Variants in TET3 observed in about 807,000 individuals in gnomAD.
TET3 encodes methylcytosine dioxygenase TET3.
A neutral mutation model predicts 141.4 loss-of-function variants in TET3; 19 were observed. The observed-to-expected ratio is 0.13, with a 90% CI of 0.09 to 0.20. The LOEUF is 0.20. TET3 is among the 10% of genes least tolerant of loss of function. TET3 has a pLI of 1.00. For synonymous variants in TET3, 1,043 were observed against 980.9 expected (o/e 1.06, Z -1.18); for missense variants, 1,874 against 2,356.9 (o/e 0.80, Z 4.24).
intron 3 of TET3, among the ~76,000 whole-genome samples, chr2:74,018,156 G>A (rs1685835421): frequency 1.3e-5 from 2 of 151,772 alleles, no homozygotes; most frequent in Non-Finnish European, 1.5e-5. Flanking sequence ...TAGTAGAGAC[G>A]GGGCTTCTCC....
the TET3 span, among the ~76,000 whole-genome samples, chr2:74,124,710 T>C: frequency 3.3e-5 from 5 of 151,944 alleles, no homozygotes; most frequent in East Asian, 1.9e-4. Flanking sequence ...CTTTGTTAAA[T>C]AGATGCTTGA....
chr2:74,078,612 A>G (rs1442403448), intron 5 of TET3, among the ~76,000 whole-genome samples: 1 of 152,190 alleles, frequency 6.6e-6, no homozygotes, highest in African/African-American at 2.4e-5. Context: ...TGAGACAGTG[A>G]ATTATCTTGT....
intron 3 of TET3, among the ~76,000 whole-genome samples, chr2:74,023,185 G>T (rs539472150): frequency 6.6e-6 from 1 of 152,268 alleles, no homozygotes; most frequent in South Asian, 2.1e-4. Flanking sequence ...ACCATCAGAG[G>T]TACCTCATCA....
Position 74,107,911 on chromosome 2 carries a change from T to TCAAAAAG in TET3, c.*5735_*5736insCAAAAAG, listed in dbSNP as rs1388402575. 1.3e-5 allele frequency: 2 copies of TCAAAAAG among 152,726 alleles called. No individual in the cohort carries two copies. The highest frequency in any genetic ancestry group is 4.8e-5 in the African/African-American group (2 of 41,466). The allele number at this position is 152,726 out of a possible 1,614,324, so 9.5% of individuals were successfully genotyped here. On this transcript the variant is annotated 3_prime_UTR_variant, in exon 12 of 12. Coordinates refer to ENST00000409262, the MANE Select transcript of TET3 (RefSeq NM_001287491.2). ...TAAATTTATGCTGATAATTTTATTT[T>TCAAAAAG]GTATAATTTTTACCTTTTTGTTAAT... is the stretch of plus-strand genomic sequence containing the variant.
chr2:74,095,559 G>A (rs1690775178), intron 10 of TET3, among the ~76,000 whole-genome samples: 1 of 152,224 alleles, frequency 6.6e-6, no homozygotes. Flanking sequence ...GCAGTTTGAT[G>A]ACCATCCATT....
At position 74,047,193 on chromosome 2, in the gene TET3, C is replaced by T; in HGVS notation, c.1276C>T (p.Pro426Ser). 6.2e-7 allele frequency: 1 copy of T among 1,614,034 alleles called. No homozygotes were observed. Among genetic ancestry groups the T allele is most frequent in the Non-Finnish European group, 8.5e-7 (1 of 1,179,896 alleles). The part of the protein sequence containing the change: ...SFAPDSSAFP[P>S]ATPRTEFPEA... ...TGCTCCTGATAGCTCTGCCTTCCCT[C>T]CAGCAACTCCTAGAACTGAGTTCCC... Residue 426 changes from proline to serine, a missense_variant, in exon 4 of 12, where the codon CCA becomes TCA. By Grantham distance (74) the Pro-to-Ser change is moderately conservative. Transcript: ENST00000409262.
At chr2:73,985,637 A>T (rs1372275285) in intron 1 of TET3, among the ~76,000 whole-genome samples, 1 of 146,256 alleles carries the variant, frequency 6.8e-6, no homozygotes, top group African/African-American at 2.8e-5. Context: ...TTGAAAGCTC[A>T]GCTCCCTAGG....
At chr2:74,007,670 T>G (rs903929028) in intron 3 of TET3, among the ~76,000 whole-genome samples, 1 of 152,202 alleles carries the variant, frequency 6.6e-6, no homozygotes, top group Non-Finnish European at 1.5e-5. Flanking sequence ...ACTCTACTCC[T>G]ACTCCTGGGT....
Position 74,100,451 on chromosome 2 carries a change from G to A in TET3, c.3663G>A (p.Glu1221=), listed in dbSNP as rs1425771355. The A allele has an allele frequency of 6.3e-7, 1 of 1,582,454 alleles. No individual in the cohort carries two copies. The highest frequency in any genetic ancestry group is 1.3e-5 in the African/African-American group (1 of 74,074). Residue 1221 remains glutamate, a synonymous_variant, in exon 12 of 12, where the codon GAG becomes GAA. Transcript: ENST00000409262. ...GCCTGAAGCCCTCCCTCAAGGTGGA[G>A]CCGCAGAACCACTTCAGCTCCTTCA... ...QQGLKPSLKV[E]PQNHFSSFKY...
rs756769001 is a variant in TET3, at chr2:74,048,386, C to G, written c.2469C>G (p.Ala823=). ...ACACACCTGCCAAGAGAGCCCAGGCCGAGTTCCCCACCTGCGATTGCGTCG... is the reference window on the plus strand; with the variant it reads ...ACACACCTGCCAAGAGAGCCCAGGCGGAGTTCCCCACCTGCGATTGCGTCG... The part of the protein sequence containing the change: ...LLDTPAKRAQ[A]EFPTCDCVEQ... Residue 823 remains alanine (A), a synonymous_variant, in exon 4 of 12, where the codon GCC becomes GCG. Transcript: ENST00000409262. 6.2e-7 allele frequency: 1 copy of G among 1,610,678 alleles called. No homozygotes were observed. Among genetic ancestry groups the G allele is most frequent in the Non-Finnish European group, 8.5e-7 (1 of 1,177,990 alleles).
At chr2:74,110,405 C>CTGTT (rs1401040928), downstream of TET3, among the ~76,000 whole-genome samples, 1 of 152,166 alleles carries the variant, frequency 6.6e-6, no homozygotes, top group Admixed American at 6.5e-5. Context: ...GCTTGGAGAG[C>CTGTT]TGTTAGTCAT....
rs185156921 is a variant in TET3 at position 74,093,167 on chromosome 2, A to G, written c.3129+176A>G. Among the ~76,000 whole-genome samples, 711 of 152,232 alleles carry G rather than the reference A, an allele frequency of 4.7e-3. 6 individuals carry two copies. Among genetic ancestry groups the G allele is most frequent in the Non-Finnish European group, 5.0e-3 (342 of 68,004 alleles). The stretch of plus-strand genomic sequence containing the variant: ...AAAAACCCCTTTTTTACACCAGGCT[A>G]CCTGCATCCCACACCGTCCCTCTTC... On this transcript the variant is annotated intron_variant, in intron 9 of 11. Transcript: ENST00000409262. The surrounding 1 kb of genome is among the most constrained non-coding windows in gnomAD (Gnocchi z 4.2).
chr2:74,093,699 G>A lies in TET3; in HGVS notation c.3267+33G>A. On this transcript the variant is annotated intron_variant, in intron 10 of 11. Coordinates refer to ENST00000409262, the MANE Select transcript of TET3 (RefSeq NM_001287491.2). This position sits in a 1 kb window ranked among gnomAD's most constrained non-coding sequence, Gnocchi z 4.2. ...TGTGCCCTGTCATAGCCCCACCTGT[G>A]GGGCAACTGTGGGAGGGAGTCCACC... is the stretch of plus-strand genomic sequence containing the variant. The A allele has an allele frequency of 6.5e-7, 1 of 1,535,646 alleles. No individual in the cohort carries two copies. Among genetic ancestry groups the A allele is most frequent in the Non-Finnish European group, 8.8e-7 (1 of 1,133,236 alleles).
Position 74,101,243 on chromosome 2 carries a change from C to T in TET3, c.4455C>T (p.Phe1485=), listed in dbSNP as rs376173211. 71 of 1,612,522 alleles carry T rather than the reference C, an allele frequency of 4.4e-5. No homozygotes were observed. The highest frequency in any genetic ancestry group is 5.8e-5 in the Non-Finnish European group (68 of 1,179,324). Residue 1485 remains phenylalanine (F), a synonymous_variant, in exon 12 of 12, where the codon TTC becomes TTT. Transcript: ENST00000409262. This position sits in a 1 kb window ranked among gnomAD's most constrained non-coding sequence, Gnocchi z 8.5. ...FGASCLAPSH[F]TDGQWGLFPG... ...CCAGCTGCCTGGCCCCTTCCCACTT[C>T]ACAGATGGCCAGTGGGGGCTGTTCC... is the stretch of plus-strand genomic sequence containing the variant.
chr2:74,047,664 C>T lies in TET3; in HGVS notation c.1747C>T (p.Pro583Ser). The change falls in exon 4 of 12, where the codon CCA becomes TCA. Residue 583 changes from proline (P) to serine (S), a missense_variant. By Grantham distance (74) the Pro-to-Ser change is moderately conservative. Coordinates refer to ENST00000409262, the MANE Select transcript of TET3 (RefSeq NM_001287491.2). Reference protein sequence around the residue: ...RPPKEKKKKLPTPAGGPVGTE... With the variant: ...RPPKEKKKKLSTPAGGPVGTE... ...ACCCAAGGAGAAGAAGAAGAAGCTC[C>T]CAACACCAGCTGGAGGTCCCGTGGG... is the stretch of plus-strand genomic sequence containing the variant. 6.2e-7 allele frequency: 1 copy of T among 1,613,366 alleles called. No individual in the cohort carries two copies. Among genetic ancestry groups the T allele is most frequent in the Non-Finnish European group, 8.5e-7 (1 of 1,179,648 alleles).
At chr2:73,984,310 A>T (rs1353353040), upstream of TET3, among the ~76,000 whole-genome samples, 1 of 152,220 alleles carries the variant, frequency 6.6e-6, no homozygotes, top group Non-Finnish European at 1.5e-5. This position sits in a 1 kb window ranked among gnomAD's most constrained non-coding sequence, Gnocchi z 5.6. Context: ...TGGACAGGGC[A>T]TTCGGCCGTG....
chr2:74,020,159 C>T (rs547626988), intron 3 of TET3, among the ~76,000 whole-genome samples: 46 of 152,140 alleles, frequency 3.0e-4, no homozygotes, highest in Non-Finnish European at 5.9e-4. Context: ...TATTCCTATC[C>T]GTGTGCTAAT....
chr2:74,108,604 C>T (rs1362145987), downstream of TET3, among the ~76,000 whole-genome samples: 1 of 152,188 alleles, frequency 6.6e-6, no homozygotes, highest in Non-Finnish European at 1.5e-5. Flanking sequence ...TATACGGAAC[C>T]CGAGATTCTG....
chr2:74,077,059 C>T (rs938079864), intron 5 of TET3, among the ~76,000 whole-genome samples: 46 of 152,330 alleles, frequency 3.0e-4, no homozygotes, highest in African/African-American at 9.9e-4. Flanking sequence ...CTTGTGTGTT[C>T]TGTCTGGGAA....
Sources: allele counts gnomAD v4.1 joint callset (sites outside exome capture counted in the v4.1 genomes callset), GRCh38; gene constraint gnomAD v4.1.1; non-coding constraint Gnocchi (gnomAD v3.1); transcripts MANE v1.5; gene names NCBI Gene and HGNC (gene_info 2026-07-23, HGNC 2026-07-21).